Variants in PKD1L3 observed in about 807,000 individuals in gnomAD.
PKD1L3 encodes the protein polycystin-1-like protein 3.
Under a neutral mutation model 184.1 loss-of-function variants are expected in PKD1L3, and 239 were observed. That is an observed-to-expected ratio of 1.30 (90% CI 1.17 to 1.45). The LOEUF (loss-of-function observed/expected upper bound fraction) is 1.45, where lower values mean the gene tolerates loss of function less well. PKD1L3 is among the 40% of genes most tolerant of loss of function. The probability of loss-of-function intolerance (pLI) is 0.00; values close to 1 mark genes in which losing one functional copy is unlikely to be tolerated. For synonymous variants in PKD1L3, 996 were observed against 778.8 expected, an observed-to-expected ratio of 1.28 and a Z score of -4.64; for missense variants, 2,660 against 2,067.2, an observed-to-expected ratio of 1.29 and a Z score of -5.56.
chr16:71,938,071 C>T (rs1361347034), intron 24 of PKD1L3, among the ~76,000 whole-genome samples: 1 of 152,158 alleles, frequency 6.6e-6, no homozygotes, highest in African/African-American at 2.4e-5. Flanking sequence ...GAGCCCCACA[C>T]TCCTGGGCAG....
chr16:71,954,420 C>T, intron 16 of PKD1L3, 119 bp from the exon 17 acceptor site: 1 of 624,722 alleles, frequency 1.6e-6, no homozygotes, highest in South Asian at 2.7e-5. Flanking sequence ...TATTCAACAC[C>T]TCTGTGAATA....
At chr16:71,992,368 T>TAAA (rs2040621021) in intron 3 of PKD1L3, among the ~76,000 whole-genome samples, 1 of 152,192 alleles carries the variant, frequency 6.6e-6, no homozygotes, top group African/African-American at 2.4e-5. Context: ...ATTCAGTAAT[T>TAAA]TAGTTTTACT....
Position 71,943,027 on chromosome 16 carries a change from TGTTTA to T in PKD1L3, c.3860-8_3860-4del. On this transcript the variant is annotated splice_region_variant and splice_polypyrimidine_tract_variant and intron_variant, in intron 23 of 29. Coordinates refer to ENST00000620267, the MANE Select transcript of PKD1L3 (RefSeq NM_181536.2). ...CAGGGTAAGGAAGAGGATTTGTACT[TGTTTA>T]GAAGAGGAAAAAAATGTCATAGTTG... is the stretch of plus-strand genomic sequence containing the variant. The T allele has an allele frequency of 6.5e-7, 1 of 1,536,270 alleles. No homozygotes were observed. Among genetic ancestry groups the T allele is most frequent in the Non-Finnish European group, 8.8e-7 (1 of 1,136,608 alleles).
At chr16:71,936,675 C>T (rs527953008) in intron 25 of PKD1L3, among the ~76,000 whole-genome samples, 61 of 151,898 alleles carry the variant, frequency 4.0e-4, no homozygotes, top group South Asian at 2.1e-3. Context: ...TTAGTAGAGA[C>T]GGCATTTCTC....
intron 3 of PKD1L3, 63 bp from the exon 4 acceptor site, chr16:71,990,392 C>G (rs1212869167): frequency 1.9e-5 from 26 of 1,349,956 alleles, no homozygotes; most frequent in Non-Finnish European, 2.7e-5. Flanking sequence ...ATTCGTTTTA[C>G]TTGAGGACTT....
chr16:71,962,557 G>A (rs921140432), intron 16 of PKD1L3, among the ~76,000 whole-genome samples: 9 of 152,094 alleles, frequency 5.9e-5, no homozygotes, highest in African/African-American at 1.7e-4. Context: ...GGCAATCTTG[G>A]CTCACTGCAA....
At chr16:71,978,957 C>G (rs915409344) in intron 9 of PKD1L3, among the ~76,000 whole-genome samples, 4 of 152,044 alleles carry the variant, frequency 2.6e-5, no homozygotes, top group African/African-American at 4.8e-5. Context: ...TCGTTGGGAT[C>G]CCCAGAATTA....
chr16:71,963,279 C>T lies in PKD1L3; in HGVS notation c.2538G>A (p.Leu846=), dbSNP rs1296468633. Residue 846 remains leucine (L), a synonymous_variant, in exon 16 of 30, where the codon CTG becomes CTA. Transcript: ENST00000620267. ...GCTCACAGTCTCCGAGGTCCACAGC[C>T]AGCCAGCAATTGCACAGGAAATGCC... ...RKWHFLCNCW[L]AVDLGDCELD... The T allele has an allele frequency of 1.3e-6, 2 of 1,551,538 alleles. No individual in the cohort carries two copies. Among genetic ancestry groups the T allele is most frequent in the Non-Finnish European group, 8.7e-7 (1 of 1,146,902 alleles).
chr16:71,956,810 T>G (rs112215271), intron 16 of PKD1L3, among the ~76,000 whole-genome samples: 1 of 152,232 alleles, frequency 6.6e-6, no homozygotes, highest in South Asian at 2.1e-4. Flanking sequence ...TGGTAAATGT[T>G]ATGTGTTTTT....
rs1023177609 is a variant in PKD1L3, at chr16:71,998,353, T to A, written c.337A>T (p.Thr113Ser). 7.1e-6 allele frequency: 11 copies of A among 1,551,766 alleles called. No individual in the cohort carries two copies. Among genetic ancestry groups the A allele is most frequent in the Non-Finnish European group, 9.6e-6 (11 of 1,147,036 alleles). The change falls in exon 2 of 30, where the codon ACC (threonine) becomes TCC (serine). Residue 113 changes from threonine to serine, a missense_variant. Coordinates refer to ENST00000620267, the MANE Select transcript of PKD1L3 (RefSeq NM_181536.2). ...CGAATGAAGTTTCTGGACAGGTAGG[T>A]GCAGCTGAGGGGCTTTGGGGGCCCG... is the stretch of plus-strand genomic sequence containing the variant. ...ANGPPKPLSC[T>S]YLSRNFIRIS... is the part of the protein sequence containing the mutation.
At chr16:71,946,939 GGA>G (rs1307236180) in intron 22 of PKD1L3, among the ~76,000 whole-genome samples, 1 of 133,542 alleles carries the variant, frequency 7.5e-6, no homozygotes, top group Non-Finnish European at 1.6e-5. Flanking sequence ...AGAGAGAGAG[GGA>G]GAGAGAGATG....
chr16:71,942,687 G>A lies in PKD1L3; in HGVS notation c.4197C>T (p.Phe1399=). ...TGAACCTCCTTAGATGAAGTCCAGG[G>A]AATAGGCTCTTGGGACGCCCACAGG... ...GHTCGRPKSL[F]PGLHLRRFSY... The change falls in exon 24 of 30, where the codon TTC becomes TTT. Residue 1399 remains phenylalanine (F), a synonymous_variant. Coordinates refer to ENST00000620267, the MANE Select transcript of PKD1L3 (RefSeq NM_181536.2). 4 of 1,551,708 alleles carry A rather than the reference G, an allele frequency of 2.6e-6. No homozygotes were observed. The highest frequency in any genetic ancestry group is 3.5e-6 in the Non-Finnish European group (4 of 1,147,006).
In PKD1L3 at chr16:71,944,092, G is replaced by A. The variant is rs949032261; in HGVS notation, c.3797C>T (p.Thr1266Ile). 1.4e-5 allele frequency: 22 copies of A among 1,551,780 alleles called. No individual in the cohort carries two copies. In the African/African-American group the frequency reaches 2.6e-4, roughly 18 times the overall value. ...VYVAPAINSP[T>I]KHPERTLKKK... ...TTTCAAGGTTCTTTCTGGGTGCTTA[G>A]TTGGACTATTTATAGCTGGGGCTAC... is the stretch of plus-strand genomic sequence containing the variant. The change falls in exon 23 of 30, where the codon ACT (threonine) becomes ATT (isoleucine). Residue 1266 changes from threonine to isoleucine, a missense_variant. Coordinates refer to ENST00000620267, the MANE Select transcript of PKD1L3 (RefSeq NM_181536.2).
At chr16:71,998,430 C>A (rs768223118) in intron 1 of PKD1L3, 36 bp from the exon 2 acceptor site, 2 of 1,524,328 alleles carry the variant, frequency 1.3e-6, no homozygotes, top group South Asian at 1.3e-5. Context: ...GCCTCATACT[C>A]GAAAGCCAGG....
In PKD1L3 at chr16:71,942,740, G is replaced by A; in HGVS notation, c.4144C>T (p.Gln1382Ter). 1.3e-6 allele frequency: 2 copies of A among 1,551,700 alleles called. No individual in the cohort carries two copies. The highest frequency in any genetic ancestry group is 1.7e-6 in the Non-Finnish European group (2 of 1,147,002). The change falls in exon 24 of 30, where the codon CAG (glutamine) becomes TAG (stop). Residue 1382 changes from glutamine to a stop codon, truncating the protein, a stop_gained. Coordinates refer to ENST00000620267, the MANE Select transcript of PKD1L3 (RefSeq NM_181536.2). LOFTEE classifies it high-confidence loss of function. Reference sequence around the variant, plus strand: ...TGGCCGTTATCACAAAACGCCAGCTGACCTTCGTCCACTTTCTCATAGGTC... The same window carrying A: ...TGGCCGTTATCACAAAACGCCAGCTAACCTTCGTCCACTTTCTCATAGGTC... Reference protein sequence around the residue: ...TKTYEKVDEGQLAFCDNGHTC... With the variant: ...TKTYEKVDEG
At chr16:71,976,933 C>G (rs1284629322) in intron 11 of PKD1L3, among the ~76,000 whole-genome samples, 1 of 152,158 alleles carries the variant, frequency 6.6e-6, no homozygotes. Context: ...TTAGTAGAGA[C>G]AGGGTTTCAC....
At chr16:71,976,681 G>A (rs1036372769) in intron 11 of PKD1L3, among the ~76,000 whole-genome samples, 1 of 152,186 alleles carries the variant, frequency 6.6e-6, no homozygotes, top group African/African-American at 2.4e-5. Flanking sequence ...CACTTCAGGA[G>A]GCTGAGACAG....
intron 6 of PKD1L3, 34 bp from the exon 7 acceptor site, chr16:71,982,269 A>ATTTT: frequency 1.1e-6 from 1 of 909,850 alleles, no homozygotes; most frequent in Non-Finnish European, 1.5e-6. Flanking sequence ...TACACCCTTG[A>ATTTT]ATTGTTTGCT....
At chr16:71,973,269 G>C in intron 12 of PKD1L3, 55 bp downstream of exon 12, 7 of 1,516,070 alleles carry the variant, frequency 4.6e-6, no homozygotes, top group Non-Finnish European at 6.3e-6. Context: ...GGATGCATTG[G>C]GCTTAACAGT....
Sources: allele counts gnomAD v4.1 joint callset (sites outside exome capture counted in the v4.1 genomes callset), GRCh38; gene constraint gnomAD v4.1.1; transcripts MANE v1.5; gene names NCBI Gene and HGNC (gene_info 2026-07-23, HGNC 2026-07-21).